The following PTPRK variants were observed in gnomAD, a reference collection of about 807,000 sequenced individuals.
PTPRK encodes the protein protein tyrosine phosphatase receptor type K.
In PTPRK, 75 loss-of-function variants were observed where a neutral mutation model predicts 178.0. The observed-to-expected ratio is 0.42, with a 90% CI of 0.35 to 0.51. The LOEUF (loss-of-function observed/expected upper bound fraction) is 0.51. Ranked by LOEUF, PTPRK falls within the 20% of genes least tolerant of loss-of-function variation. PTPRK has a pLI of 0.02. For synonymous variants in PTPRK, 637 were observed against 620.6 expected (o/e 1.03, Z -0.39); for missense variants, 1,441 against 1,797.8 (o/e 0.80, Z 3.59).
chr6:128,134,426 A>G (rs1286045163), intron 7 of PTPRK, among the ~76,000 whole-genome samples: 1 of 152,220 alleles, frequency 6.6e-6, no homozygotes, highest in Admixed American at 6.5e-5. Context: ...TGATAGTTTT[A>G]TGCGTCAGCT....
intron 2 of PTPRK, among the ~76,000 whole-genome samples, chr6:128,326,412 C>T (rs973206643): frequency 2.0e-5 from 3 of 152,114 alleles, no homozygotes; most frequent in Admixed American, 1.3e-4. Flanking sequence ...TTAAAAGATG[C>T]CTAACTCATT....
At chr6:128,384,253 T>C (rs1385809100) in intron 2 of PTPRK, among the ~76,000 whole-genome samples, 4 of 152,192 alleles carry the variant, frequency 2.6e-5, no homozygotes, top group Non-Finnish European at 5.9e-5. Context: ...GTCCACAAAA[T>C]GTTGGCCTTG....
chr6:128,228,118 T>TAA (rs923078192), intron 5 of PTPRK, among the ~76,000 whole-genome samples: 1 of 127,820 alleles, frequency 7.8e-6, no homozygotes, highest in Admixed American at 7.9e-5. Flanking sequence ...AAAGTCTAAT[T>TAA]AAAAAAAAAA....
In PTPRK at chr6:128,204,241, A is replaced by T. The variant is rs140500415; in HGVS notation, c.868+14681T>A. Among the ~76,000 whole-genome samples the T allele has an allele frequency of 4.2e-3, 640 of 152,290 alleles. 3 individuals are homozygous for T. The highest frequency in any genetic ancestry group is 4.1e-3 in the Non-Finnish European group (279 of 68,030). ...GCCAAATGCAGAAAATTGAAACTGGACCCCTTCCTTAAAACATATACAAAA... is the reference window on the plus strand; with the variant it reads ...GCCAAATGCAGAAAATTGAAACTGGTCCCCTTCCTTAAAACATATACAAAA... On this transcript the variant is annotated intron_variant, in intron 6 of 29. Transcript: ENST00000368226.
intron 1 of PTPRK, among the ~76,000 whole-genome samples, chr6:128,441,486 G>A (rs1846277362): frequency 1.3e-5 from 2 of 151,770 alleles, no homozygotes; most frequent in African/African-American, 4.8e-5. Flanking sequence ...TAAAACAATT[G>A]GCAAACAGCA....
intron 29 of PTPRK, among the ~76,000 whole-genome samples, chr6:127,970,536 T>G (rs11753289): frequency 0.16 from 24,326 of 152,054 alleles, 2,126 homozygotes; most frequent in African/African-American, 0.22. Flanking sequence ...TAAATATCTA[T>G]AATTTTTTAT....
chr6:128,362,893 G>A (rs961933696), intron 2 of PTPRK, among the ~76,000 whole-genome samples: 2 of 152,242 alleles, frequency 1.3e-5, no homozygotes, highest in Non-Finnish European at 2.9e-5. Flanking sequence ...AAAGAGAGAT[G>A]TCTATGTGCC....
chr6:128,003,279 T>G, intron 15 of PTPRK: 6 of 1,498,914 alleles, frequency 4.0e-6, no homozygotes, highest in Non-Finnish European at 4.6e-6. Flanking sequence ...TCTAAAATTG[T>G]TTTTTAAAAT....
rs1019616143 is a variant in PTPRK at position 128,005,088 on chromosome 6, T to C, written c.2490A>G (p.Pro830=). Residue 830 remains proline, a synonymous_variant, in exon 15 of 30, where the codon CCA becomes CCG. Transcript: ENST00000368226. ...AAATTTTAATGAAAAACTTACATCT[T>C]GGACTAAAGTTATGTTGGTCCATGA... ...ITFMDQHNFS[P]RYENHSATAE... is the part of the protein sequence containing the mutation. The C allele has an allele frequency of 3.1e-6, 5 of 1,605,752 alleles. No individual in the cohort carries two copies. The highest frequency in any genetic ancestry group is 4.3e-6 in the Non-Finnish European group (5 of 1,175,220).
intron 3 of PTPRK, among the ~76,000 whole-genome samples, chr6:128,276,551 T>G (rs1187416887): frequency 1.3e-5 from 2 of 152,124 alleles, no homozygotes; most frequent in African/African-American, 2.4e-5. Context: ...ATTTATATAT[T>G]TCTTATTAGA....
chr6:128,334,499 A>G (rs1479520690), intron 2 of PTPRK, among the ~76,000 whole-genome samples: 1 of 152,244 alleles, frequency 6.6e-6, no homozygotes, highest in Non-Finnish European at 1.5e-5. Flanking sequence ...AATAACAATT[A>G]TAACTATTCA....
chr6:128,271,337 A>G (rs1819784092), intron 3 of PTPRK, among the ~76,000 whole-genome samples: 1 of 152,124 alleles, frequency 6.6e-6, no homozygotes, highest in African/African-American at 2.4e-5. Flanking sequence ...TCTGACAGGG[A>G]TGGAGAGGGG....
At chr6:128,202,028 GA>G (rs1806054628) in intron 6 of PTPRK, among the ~76,000 whole-genome samples, 1 of 152,138 alleles carries the variant, frequency 6.6e-6, no homozygotes, top group Non-Finnish European at 1.5e-5. Flanking sequence ...GGAAAGTGAA[GA>G]AATTGATATA....
intron 13 of PTPRK, among the ~76,000 whole-genome samples, chr6:128,056,972 A>G (rs1780011576): frequency 6.6e-6 from 1 of 152,170 alleles, no homozygotes. Context: ...TTTTCAAGAA[A>G]TACTTTTCAG....
intron 7 of PTPRK, among the ~76,000 whole-genome samples, chr6:128,140,732 T>C (rs1267308680): frequency 6.6e-6 from 1 of 152,028 alleles, no homozygotes; most frequent in African/African-American, 2.4e-5. Context: ...ATATAAGCAG[T>C]TGACTTTTCA....
chr6:128,508,586 T>C (rs149064602), intron 1 of PTPRK, among the ~76,000 whole-genome samples: 1 of 152,294 alleles, frequency 6.6e-6, no homozygotes, highest in African/African-American at 2.4e-5. Flanking sequence ...AGGACCCCCT[T>C]ACCCACAGTT....
intron 1 of PTPRK, among the ~76,000 whole-genome samples, chr6:128,507,800 T>C (rs1005023106): frequency 6.6e-6 from 1 of 152,116 alleles, no homozygotes; most frequent in Admixed American, 6.6e-5. Context: ...TGTCCACCAA[T>C]CTTCTTGATC....
chr6:128,400,508 T>C (rs1327077069), intron 1 of PTPRK, among the ~76,000 whole-genome samples: 2 of 152,106 alleles, frequency 1.3e-5, no homozygotes, highest in African/African-American at 4.8e-5. Context: ...TTAAAATCTT[T>C]AAAAGATTTT....
chr6:127,998,576 T>G (rs1777446017), intron 16 of PTPRK, 144 bp downstream of exon 16: 2 of 516,990 alleles, frequency 3.9e-6, no homozygotes, highest in Non-Finnish European at 6.1e-6. Context: ...TACACACACT[T>G]GGTTGTACAC....
Sources: allele counts gnomAD v4.1 joint callset (sites outside exome capture counted in the v4.1 genomes callset), GRCh38; gene constraint gnomAD v4.1.1; transcripts MANE v1.5; gene names NCBI Gene and HGNC (gene_info 2026-07-23, HGNC 2026-07-21).